Variants in DMD observed in about 807,000 individuals in gnomAD.
The protein encoded by DMD is dystrophin, also known as mutant dystrophin.
In DMD, 63 loss-of-function variants were observed where a neutral mutation model predicts 330.1. That is an observed-to-expected ratio of 0.19 (90% confidence interval 0.16 to 0.24). DMD has a LOEUF of 0.24. Ranked by LOEUF, DMD falls within the 10% of genes least tolerant of loss-of-function variation. The pLI is 1.00. For synonymous variants in DMD, 1,223 were observed against 959.8 expected (o/e 1.27, Z -5.07); for missense variants, 3,344 against 2,684.1 (o/e 1.25, Z -5.43).
chrX:32,942,141 G>A (rs925441688), intron 2 of DMD, among the ~76,000 whole-genome samples: 2 of 112,321 alleles, frequency 1.8e-5, no homozygotes, highest in Non-Finnish European at 3.8e-5. Flanking sequence ...GTACATAAGA[G>A]AGACAGAGAA....
At chrX:31,947,877 C>A in intron 45 of DMD, among the ~76,000 whole-genome samples, 1 of 110,678 alleles carries the variant, frequency 9.0e-6, no homozygotes, top group Non-Finnish European at 1.9e-5. Context: ...CCTTCTTCTT[C>A]TTCTTCTTAT....
rs5012139 is a variant in DMD, at chrX:31,321,603, A to G, written c.9224+1995T>C. Among the ~76,000 whole-genome samples, 155 of 77,034 alleles carry G rather than the reference A, an allele frequency of 2.0e-3. 3 individuals carry two copies. The highest frequency in any genetic ancestry group is 0.013 in the African/African-American group (135 of 10,629). The allele number at this position is 77,034 out of a possible 115,157, so 66.9% of individuals were successfully genotyped here. A position where few individuals can be genotyped will look rare whatever the true frequency, so the allele number is the denominator to read the frequency against. ...CATCTCAAAAAAAAAAAAAAAAAAAAAAAAAAAGAAAGAAACCAAGATTTT... is the reference window on the plus strand; with the variant it reads ...CATCTCAAAAAAAAAAAAAAAAAAAGAAAAAAAGAAAGAAACCAAGATTTT... On this transcript the variant is annotated intron_variant, in intron 62 of 78. Coordinates refer to ENST00000357033, the MANE Select transcript of DMD (RefSeq NM_004006.3).
chrX:32,495,467 G>A (rs1414688023), intron 19 of DMD, among the ~76,000 whole-genome samples: 2 of 111,761 alleles, frequency 1.8e-5, no homozygotes, highest in Non-Finnish European at 3.8e-5. Context: ...TTGGGCAGGG[G>A]ATGGAGAGGA....
intron 1 of DMD, among the ~76,000 whole-genome samples, chrX:33,195,269 C>T: frequency 2.7e-5 from 3 of 111,687 alleles, no homozygotes; most frequent in Middle Eastern, 9.2e-3. Context: ...AACAATAGCT[C>T]AAGCAGGAGC....
chrX:31,571,469 T>C (rs929592181), intron 55 of DMD, among the ~76,000 whole-genome samples: 2 of 110,735 alleles, frequency 1.8e-5, no homozygotes, highest in Non-Finnish European at 1.9e-5. Flanking sequence ...TTTAAAAATC[T>C]GTCTCCGCTA....
At chrX:32,896,421 G>A (rs1045780548) in intron 2 of DMD, among the ~76,000 whole-genome samples, 2 of 111,866 alleles carry the variant, frequency 1.8e-5, no homozygotes, top group Non-Finnish European at 3.8e-5. Flanking sequence ...TTAAAATAAA[G>A]CAAAGAGTCA....
At chrX:31,655,465 G>A (rs2080726439) in intron 54 of DMD, among the ~76,000 whole-genome samples, 1 of 111,074 alleles carries the variant, frequency 9.0e-6, no homozygotes, top group African/African-American at 3.3e-5. Context: ...GGGGCTTTGG[G>A]GATGAAATGA....
intron 51 of DMD, among the ~76,000 whole-genome samples, chrX:31,749,100 T>A (rs750261814): frequency 1.8e-5 from 2 of 109,451 alleles, no homozygotes; most frequent in Non-Finnish European, 3.8e-5. Context: ...AGGATCAGGA[T>A]AGCATTTGTT....
At chrX:32,937,753 T>A (rs761750687) in intron 2 of DMD, among the ~76,000 whole-genome samples, 3 of 109,684 alleles carry the variant, frequency 2.7e-5, no homozygotes, top group Non-Finnish European at 3.8e-5. Context: ...ACACAACCTG[T>A]ATCTGAACAC....
intron 55 of DMD, among the ~76,000 whole-genome samples, chrX:31,599,117 T>C (rs1394403901): frequency 8.9e-6 from 1 of 112,076 alleles, no homozygotes; most frequent in African/African-American, 3.2e-5. Flanking sequence ...ATGGTAAACA[T>C]AGACTCTAGA....
intron 7 of DMD, among the ~76,000 whole-genome samples, chrX:32,795,380 T>G (rs913911830): frequency 1.8e-5 from 2 of 112,239 alleles, no homozygotes; most frequent in Non-Finnish European, 3.8e-5. Flanking sequence ...GAAGGACACC[T>G]TCTTCAAATG....
At chrX:32,883,341 A>G (rs1421102975) in intron 2 of DMD, among the ~76,000 whole-genome samples, 1 of 111,617 alleles carries the variant, frequency 9.0e-6, no homozygotes, top group East Asian at 2.8e-4. Flanking sequence ...TGAGTTTTCT[A>G]TTACTCTCAT....
chrX:32,830,776 G>T (rs1603443303), intron 4 of DMD, among the ~76,000 whole-genome samples: 1 of 111,311 alleles, frequency 9.0e-6, no homozygotes, highest in Admixed American at 9.6e-5. Flanking sequence ...TTCGGAAGTT[G>T]CTTTATTCAA....
intron 60 of DMD, among the ~76,000 whole-genome samples, chrX:31,366,020 A>G (rs1470463035): frequency 1.8e-5 from 2 of 112,434 alleles, no homozygotes; most frequent in Non-Finnish European, 3.8e-5. Context: ...TTGCACATCA[A>G]TTTATGTTTT....
At chrX:32,590,950 C>T (rs2054841580) in intron 13 of DMD, among the ~76,000 whole-genome samples, 1 of 111,748 alleles carries the variant, frequency 8.9e-6, no homozygotes, top group Non-Finnish European at 1.9e-5. Flanking sequence ...TCCATCCATC[C>T]ATCCAGTGGG....
chrX:32,129,702 A>T (rs2096679335), intron 44 of DMD, among the ~76,000 whole-genome samples: 1 of 86,594 alleles, frequency 1.2e-5, no homozygotes, highest in Non-Finnish European at 2.2e-5. Context: ...ATATATATAG[A>T]TATGGAGAGA....
chrX:32,308,242 T>C (rs1373734914), intron 42 of DMD, among the ~76,000 whole-genome samples: 1 of 111,223 alleles, frequency 9.0e-6, no homozygotes, highest in Non-Finnish European at 1.9e-5. Flanking sequence ...ATTATTTGTG[T>C]TGTACTGCAC....
At position 31,792,584 on chromosome X, in the gene DMD, T is replaced by C. The variant is rs553357326; in HGVS notation, c.7310-18392A>G. 4.8e-3 allele frequency among the ~76,000 whole-genome samples: 544 copies of C among 112,575 alleles called. 2 individuals carry two copies. Among genetic ancestry groups the C allele is most frequent in the Middle Eastern group, 0.014 (3 of 216 alleles). ...AATTACTAACTTAGTAAAGGGTTTA[T>C]ACCTACTTAGTAACGAAGCAGGATA... is the stretch of plus-strand genomic sequence containing the variant. On this transcript the variant is annotated intron_variant, in intron 50 of 78. Transcript: ENST00000357033.
At chrX:31,470,818 C>G (rs1009644081) in intron 59 of DMD, among the ~76,000 whole-genome samples, 20 of 112,308 alleles carry the variant, frequency 1.8e-4, no homozygotes, top group African/African-American at 6.1e-4. Context: ...CTGACTGGGG[C>G]TGCTGCCTTT....
Sources: allele counts gnomAD v4.1 joint callset (sites outside exome capture counted in the v4.1 genomes callset), GRCh38; gene constraint gnomAD v4.1.1; transcripts MANE v1.5; gene names NCBI Gene and HGNC (gene_info 2026-07-23, HGNC 2026-07-21).